SLC38A10: variants seen among roughly 807,000 people sequenced by gnomAD.
The protein encoded by SLC38A10 is solute carrier family 38 member 10, also known as Sodium-coupled neutral amino acid transporter 10.
In SLC38A10, 53 loss-of-function variants were observed where a neutral mutation model predicts 81.0. The ratio of observed to expected loss-of-function variants is 0.65; its 90% CI spans 0.53 to 0.82. The LOEUF (loss-of-function observed/expected upper bound fraction) is 0.82, where lower values mean the gene tolerates loss of function less well. Ranked by LOEUF, SLC38A10 falls within the 40% of genes least tolerant of loss-of-function variation. The pLI, the probability that SLC38A10 is intolerant of heterozygous loss-of-function variation, is 0.00. For missense variants in SLC38A10, 1,471 were observed against 1,545.0 expected (o/e 0.95, Z 0.80); for synonymous variants, 665 against 655.3 (o/e 1.01, Z -0.23).
rs915824492 is a variant in SLC38A10, at chr17:81,246,161, C to T, written c.2755G>A (p.Ala919Thr). 6.2e-7 allele frequency: 1 copy of T among 1,611,896 alleles called. No individual in the cohort carries two copies. The highest frequency in any genetic ancestry group is 1.1e-5 in the South Asian group (1 of 91,086). Residue 919 changes from alanine (A) to threonine (T), a missense_variant, in exon 16 of 16, where the codon GCA (alanine) becomes ACA (threonine). Coordinates refer to ENST00000374759, the MANE Select transcript of SLC38A10 (RefSeq NM_001037984.3). ...EANWLVAGPG[A>T]ETGDPRMKPK... is the part of the protein sequence containing the mutation. Reference sequence around the variant, plus strand: ...TTCATGCGAGGGTCCCCCGTCTCTGCTCCTGGCCCTGCCACGAGCCAGTTG... The same window carrying T: ...TTCATGCGAGGGTCCCCCGTCTCTGTTCCTGGCCCTGCCACGAGCCAGTTG...
At chr17:81,247,175 C>T in intron 14 of SLC38A10, 114 bp from the exon 15 acceptor site, 7 of 1,113,588 alleles carry the variant, frequency 6.3e-6, no homozygotes, top group Non-Finnish European at 8.6e-6. Flanking sequence ...GGGAGTGTGC[C>T]CGAACACTGG....
Position 81,275,949 on chromosome 17 carries a change from G to A in SLC38A10, c.912+20C>T, listed in dbSNP as rs1567941075. 6.2e-7 allele frequency: 1 copy of A among 1,607,234 alleles called. No homozygotes were observed. The highest frequency in any genetic ancestry group is 8.5e-7 in the Non-Finnish European group (1 of 1,175,732). On this transcript the variant is annotated intron_variant, in intron 8 of 15. Transcript: ENST00000374759. Reference sequence around the variant, plus strand: ...CTGACCTGTGCTATTACGATCCGGAGAGTGCCCCGAGGGTCTTACCTGCTG... The same window carrying A: ...CTGACCTGTGCTATTACGATCCGGAAAGTGCCCCGAGGGTCTTACCTGCTG...
chr17:81,284,827 C>T (rs954916919), intron 3 of SLC38A10, 23 bp downstream of exon 3: 15 of 1,513,804 alleles, frequency 9.9e-6, no homozygotes, highest in African/African-American at 5.6e-5. Flanking sequence ...GGGGGGCAAG[C>T]GCAGCGGCAG....
chr17:81,245,568 T>C lies in SLC38A10; in HGVS notation c.3348A>G (p.Pro1116=), dbSNP rs748453308. 6.2e-7 allele frequency: 1 copy of C among 1,607,746 alleles called. No individual in the cohort carries two copies. Among genetic ancestry groups the C allele is most frequent in the Non-Finnish European group, 8.5e-7 (1 of 1,177,624 alleles). Residue 1116 remains proline (P), a synonymous_variant, in exon 16 of 16, where the codon CCA becomes CCG. Transcript: ENST00000374759. ...SRQLRQAPGP[P]EES ...TGGCCAGCAGGTGCTAGGACTCCTCTGGAGGCCCAGGCGCCTGTCTAAGCT... is the reference window on the plus strand; with the variant it reads ...TGGCCAGCAGGTGCTAGGACTCCTCCGGAGGCCCAGGCGCCTGTCTAAGCT...
chr17:81,246,203 T>C lies in SLC38A10; in HGVS notation c.2713A>G (p.Ser905Gly). ...AGCCAGTTGGCTTCCTTCAGAATGC[T>C]GGTGCCAGTGGCTGCCACCTCCTTC... ...PGKEVAATGT[S>G]ILKEANWLVA... The change falls in exon 16 of 16, where the codon AGC becomes GGC. Residue 905 changes from serine (S) to glycine (G), a missense_variant. Transcript: ENST00000374759. 6.2e-7 allele frequency: 1 copy of C among 1,612,762 alleles called. No homozygotes were observed. The highest frequency in any genetic ancestry group is 8.5e-7 in the Non-Finnish European group (1 of 1,179,956).
intron 6 of SLC38A10, among the ~76,000 whole-genome samples, chr17:81,278,588 C>G (rs139645310): frequency 4.4e-4 from 67 of 152,270 alleles, no homozygotes; most frequent in African/African-American, 1.6e-3. Flanking sequence ...CGCCTGTGCA[C>G]ACAGCCCCAG....
At chr17:81,262,050 C>T (rs2063028918) in intron 10 of SLC38A10, among the ~76,000 whole-genome samples, 1 of 152,182 alleles carries the variant, frequency 6.6e-6, no homozygotes, top group Non-Finnish European at 1.5e-5. Flanking sequence ...TGGAAGGTGA[C>T]CAAAGCAGTC....
intron 3 of SLC38A10, among the ~76,000 whole-genome samples, chr17:81,284,088 T>C (rs574364080): frequency 8.0e-5 from 12 of 149,408 alleles, no homozygotes; most frequent in Non-Finnish European, 1.0e-4. Flanking sequence ...CCTGGCACAG[T>C]GGCTCACGCC....
intron 8 of SLC38A10, among the ~76,000 whole-genome samples, chr17:81,272,899 C>A (rs1401140342): frequency 6.6e-6 from 1 of 152,184 alleles, no homozygotes; most frequent in Non-Finnish European, 1.5e-5. Context: ...ATGTGAGTAT[C>A]GAGTCCTTCC....
Position 81,253,062 on chromosome 17 carries a change from G to C in SLC38A10, c.1456+11C>G, listed in dbSNP as rs1598381466. 7 of 1,610,992 alleles carry C rather than the reference G, an allele frequency of 4.3e-6. 1 individual carries two copies. In the East Asian group the frequency reaches 1.6e-4, roughly 36 times the overall value. On this transcript the variant is annotated intron_variant, in intron 12 of 15. Coordinates refer to ENST00000374759, the MANE Select transcript of SLC38A10 (RefSeq NM_001037984.3). This position sits in a 1 kb window ranked among gnomAD's most constrained non-coding sequence, Gnocchi z 4.1. ...CCTTCCCCATCCGCACCCCCAGCCAGTGCCCAGCACCTTGCCCAGGGCGAT... is the reference window on the plus strand; with the variant it reads ...CCTTCCCCATCCGCACCCCCAGCCACTGCCCAGCACCTTGCCCAGGGCGAT...
At chr17:81,287,539 G>A (rs773313340) in intron 2 of SLC38A10, among the ~76,000 whole-genome samples, 9 of 152,216 alleles carry the variant, frequency 5.9e-5, no homozygotes, top group Non-Finnish European at 7.3e-5. Flanking sequence ...GCCTCTGTCC[G>A]GAGCTCACGC....
intron 10 of SLC38A10, among the ~76,000 whole-genome samples, chr17:81,269,317 A>T (rs1026859058): frequency 1.3e-5 from 2 of 151,700 alleles, no homozygotes; most frequent in African/African-American, 4.8e-5. Flanking sequence ...ATTTGAGACC[A>T]GCCTGACCAA....
At chr17:81,271,685 C>T (rs183870983) in intron 9 of SLC38A10, among the ~76,000 whole-genome samples, 5 of 151,988 alleles carry the variant, frequency 3.3e-5, no homozygotes, top group African/African-American at 4.8e-5. Flanking sequence ...GCCTGTGTCC[C>T]GGCACTGCAG....
At chr17:81,262,962 G>C (rs1313094067) in intron 10 of SLC38A10, 1 of 152,246 alleles carries the variant, frequency 6.6e-6, no homozygotes, top group South Asian at 2.1e-4. Flanking sequence ...CTCACTCCAT[G>C]CTGGGAGACA....
chr17:81,252,797 A>G (rs1437767355), intron 12 of SLC38A10, 114 bp from the exon 13 acceptor site: 1 of 1,435,660 alleles, frequency 7.0e-7, no homozygotes, highest in African/African-American at 1.4e-5. Context: ...GACACAGGCC[A>G]ACAGATACCA....
At position 81,270,796 on chromosome 17, in the gene SLC38A10, G is replaced by A. The variant is rs939861884; in HGVS notation, c.1131+122C>T. ...TGACTGGACCAAGTCCCTTTTGTGG[G>A]TTTTAAGTTTCTTGATAGAACCCAT... is the stretch of plus-strand genomic sequence containing the variant. On this transcript the variant is annotated intron_variant, in intron 10 of 15. Coordinates refer to ENST00000374759, the MANE Select transcript of SLC38A10 (RefSeq NM_001037984.3). The surrounding 1 kb of genome is among the most constrained non-coding windows in gnomAD (Gnocchi z 4.0). 7.8e-6 allele frequency: 6 copies of A among 773,374 alleles called. No homozygotes were observed. Among genetic ancestry groups the A allele is most frequent in the Non-Finnish European group, 1.3e-5 (6 of 479,678 alleles). 47.9% of individuals were successfully genotyped at this position (773,374 alleles called of 1,614,324 possible). A position where few individuals can be genotyped will look rare whatever the true frequency, so the allele number is the denominator to read the frequency against.
intron 8 of SLC38A10, 23 bp downstream of exon 8, chr17:81,275,946 G>A (rs202198325): frequency 1.5e-5 from 24 of 1,605,862 alleles, no homozygotes; most frequent in East Asian, 1.3e-4. Flanking sequence ...ATTACGATCC[G>A]GAGAGTGCCC....
In SLC38A10 at chr17:81,276,516, C is replaced by T. The variant is rs975454757; in HGVS notation, c.730-365G>A. Among the ~76,000 whole-genome samples, 2 of 151,970 alleles carry T rather than the reference C, an allele frequency of 1.3e-5. No individual in the cohort carries two copies. Among genetic ancestry groups the T allele is most frequent in the Admixed American group, 6.5e-5 (1 of 15,270 alleles). On this transcript the variant is annotated intron_variant, in intron 7 of 15. Coordinates refer to ENST00000374759, the MANE Select transcript of SLC38A10 (RefSeq NM_001037984.3). This position sits in a 1 kb window ranked among gnomAD's most constrained non-coding sequence, Gnocchi z 4.7. Reference sequence around the variant, plus strand: ...AAGCAATTCTCCTGCCTCAGCCTCCCGAGTAGCCGGGTTTACATGCACGTG... The same window carrying T: ...AAGCAATTCTCCTGCCTCAGCCTCCTGAGTAGCCGGGTTTACATGCACGTG...
rs1567920366 is a variant in SLC38A10, at chr17:81,246,477, GTC to G, written c.2437_2438del (p.Asp813ProfsTer6). 1.3e-6 allele frequency: 2 copies of G among 1,566,210 alleles called. No homozygotes were observed. The highest frequency in any genetic ancestry group is 2.3e-5 in the East Asian group (1 of 44,444). On this transcript the variant is annotated frameshift_variant, in exon 16 of 16. Coordinates refer to ENST00000374759, the MANE Select transcript of SLC38A10 (RefSeq NM_001037984.3). LOFTEE classifies it low-confidence loss of function (END_TRUNC). ...GGCCGCCGTCAGGAGGGCCAGCAGG[GTC>G]TCTGCCCACAGGCCCCTCAGAGTGC... ...LEHSEGPVGRDPAGPPDGGPD... is the reference protein window; with the variant it reads ...LEHSEGPVGRXPAGPPDGGPD...
Sources: allele counts gnomAD v4.1 joint callset (sites outside exome capture counted in the v4.1 genomes callset), GRCh38; gene constraint gnomAD v4.1.1; non-coding constraint Gnocchi (gnomAD v3.1); transcripts MANE v1.5; gene names NCBI Gene and HGNC (gene_info 2026-07-23, HGNC 2026-07-21).